GLI3: variants seen among roughly 807,000 people sequenced by gnomAD.
GLI3 encodes transcription activator GLI3.
Under a neutral mutation model 100.8 loss-of-function variants are expected in GLI3, and 20 were observed. The ratio of observed to expected loss-of-function variants is 0.20; its 90% CI spans 0.14 to 0.29. GLI3 has a LOEUF of 0.29. Ranked by LOEUF, GLI3 falls within the 10% of genes least tolerant of loss-of-function variation. The pLI, the probability that GLI3 is intolerant of heterozygous loss-of-function variation, is 1.00. For missense variants in GLI3, 2,040 were observed against 2,128.5 expected (o/e 0.96, Z 0.82); for synonymous variants, 938 against 860.5 (o/e 1.09, Z -1.58).
intron 3 of GLI3, among the ~76,000 whole-genome samples, chr7:42,108,262 C>T (rs1785623044): frequency 6.6e-6 from 1 of 152,142 alleles, no homozygotes; most frequent in Admixed American, 6.5e-5. Flanking sequence ...TTTGTACAGC[C>T]CACCACGGAA....
rs1352733591 is a variant in GLI3 at position 41,964,593 on chromosome 7, G to A, written c.4480C>T (p.Leu1494Phe). 6.2e-7 allele frequency: 1 copy of A among 1,614,132 alleles called. No homozygotes were observed. The highest frequency in any genetic ancestry group is 1.7e-5 in the Admixed American group (1 of 60,028). ...ACCCCTTCCAGGTCATGGCTGTCGA[G>A]GCTGTCCACTGTGCTTGTCACCTGA... is the stretch of plus-strand genomic sequence containing the variant. ...ANQVTSTVDSLDSHDLEGVQI... is the reference protein window; with the variant it reads ...ANQVTSTVDSFDSHDLEGVQI... Residue 1494 changes from leucine (L) to phenylalanine (F), a missense_variant, in exon 15 of 15, where the codon CTC (leucine) becomes TTC (phenylalanine). Coordinates refer to ENST00000395925, the MANE Select transcript of GLI3 (RefSeq NM_000168.6).
At chr7:42,154,938 G>A (rs555757804) in intron 2 of GLI3, among the ~76,000 whole-genome samples, 60 of 152,270 alleles carry the variant, frequency 3.9e-4, no homozygotes, top group African/African-American at 1.3e-3. Flanking sequence ...ACAGAGGGAG[G>A]GGCCCAGATG....
intron 4 of GLI3, among the ~76,000 whole-genome samples, chr7:42,072,287 C>T (rs1784798439): frequency 6.6e-6 from 1 of 152,192 alleles, no homozygotes. Flanking sequence ...TCAATTAATA[C>T]TGGTCCATAA....
intron 1 of GLI3, among the ~76,000 whole-genome samples, chr7:42,255,719 G>T (rs1312004645): frequency 6.6e-6 from 1 of 152,100 alleles, no homozygotes; most frequent in African/African-American, 2.4e-5. Context: ...CAATTGATAG[G>T]CATTTGGCTT....
At chr7:42,195,089 C>A (rs76068079) in intron 2 of GLI3, among the ~76,000 whole-genome samples, 4,386 of 152,088 alleles carry the variant, frequency 0.029, 211 homozygotes, top group African/African-American at 0.098. Flanking sequence ...ACTTATCTCA[C>A]CCCCACTGCC....
intron 13 of GLI3, among the ~76,000 whole-genome samples, chr7:41,970,745 C>A (rs1258431144): frequency 1.3e-5 from 2 of 152,100 alleles, no homozygotes; most frequent in Non-Finnish European, 2.9e-5. Context: ...ATTTTGGGTT[C>A]TTGGAATATC....
At chr7:42,060,817 AT>A (rs1246729055) in intron 4 of GLI3, among the ~76,000 whole-genome samples, 1 of 152,160 alleles carries the variant, frequency 6.6e-6, no homozygotes, top group East Asian at 1.9e-4. Flanking sequence ...GATAAGTGAC[AT>A]TTGTTTGTAT....
At chr7:42,118,194 C>A (rs1303894360) in intron 3 of GLI3, 1 of 396,446 alleles carries the variant, frequency 2.5e-6, no homozygotes, top group East Asian at 3.6e-5. Context: ...GGCTTTTTCA[C>A]CTTTCCATTA....
chr7:42,259,348 A>G (rs371281898), intron 1 of GLI3, among the ~76,000 whole-genome samples: 2 of 152,212 alleles, frequency 1.3e-5, no homozygotes, highest in Non-Finnish European at 2.9e-5. Flanking sequence ...AAATGGTAGC[A>G]TTATCTTTAG....
chr7:42,094,342 C>T (rs530533020), intron 3 of GLI3, among the ~76,000 whole-genome samples: 79 of 152,322 alleles, frequency 5.2e-4, no homozygotes, highest in African/African-American at 1.8e-3. Context: ...GTGGCTCACA[C>T]CTGTAATCCC....
intron 3 of GLI3, among the ~76,000 whole-genome samples, chr7:42,124,736 G>A (rs1045349955): frequency 2.0e-5 from 3 of 152,098 alleles, no homozygotes; most frequent in Non-Finnish European, 4.4e-5. Flanking sequence ...TCAAAGTGTC[G>A]GGACAAAGTT....
At chr7:42,096,357 G>A (rs73323679) in intron 3 of GLI3, among the ~76,000 whole-genome samples, 10,315 of 152,280 alleles carry the variant, frequency 0.068, 700 homozygotes, top group African/African-American at 0.18. Flanking sequence ...AAAGGAGAGG[G>A]ATGGGAGAGT....
chr7:42,044,640 T>C (rs1410815876), intron 6 of GLI3, among the ~76,000 whole-genome samples: 1 of 152,220 alleles, frequency 6.6e-6, no homozygotes, highest in South Asian at 2.1e-4. Flanking sequence ...TTGATAACTA[T>C]TCTGATCCTT....
intron 3 of GLI3, among the ~76,000 whole-genome samples, chr7:42,128,885 A>C (rs1786201200): frequency 6.6e-6 from 1 of 152,214 alleles, no homozygotes; most frequent in Non-Finnish European, 1.5e-5. Flanking sequence ...TCCAGTATCT[A>C]AGAACTTGCT....
At chr7:42,138,582 G>C (rs1280170880) in intron 3 of GLI3, among the ~76,000 whole-genome samples, 1 of 152,130 alleles carries the variant, frequency 6.6e-6, no homozygotes, top group Non-Finnish European at 1.5e-5. Flanking sequence ...GGGGAGGAGG[G>C]AATAAATTTC....
chr7:42,070,845 T>C (rs1784770674), intron 4 of GLI3, among the ~76,000 whole-genome samples: 1 of 152,200 alleles, frequency 6.6e-6, no homozygotes, highest in Non-Finnish European at 1.5e-5. Flanking sequence ...CAGCAATACA[T>C]TAAATAGCAC....
chr7:42,242,612 A>G (rs1388283402), upstream of GLI3, among the ~76,000 whole-genome samples: 1 of 152,134 alleles, frequency 6.6e-6, no homozygotes, highest in East Asian at 1.9e-4. Context: ...AGGCAGAGCA[A>G]TTCATATCTG....
intron 3 of GLI3, among the ~76,000 whole-genome samples, chr7:42,114,191 T>C (rs1463736372): frequency 2.0e-5 from 3 of 152,226 alleles, no homozygotes; most frequent in African/African-American, 4.8e-5. Context: ...CAGGGTCAGC[T>C]TGTGAAAAGT....
intron 4 of GLI3, among the ~76,000 whole-genome samples, chr7:42,050,773 G>A (rs1459085071): frequency 6.6e-6 from 1 of 152,148 alleles, no homozygotes; most frequent in African/African-American, 2.4e-5. Flanking sequence ...TTTCTTACTG[G>A]CTTTTCTTGA....
Sources: gnomAD v4.1 joint callset for allele counts (sites outside exome capture counted in the v4.1 genomes callset) on GRCh38, gnomAD v4.1.1 for gene constraint, MANE v1.5 for transcripts, NCBI Gene and HGNC (gene_info 2026-07-23, HGNC 2026-07-21) for gene names.